DPP10: variants seen among roughly 807,000 people sequenced by gnomAD.
DPP10 encodes the protein inactive dipeptidyl peptidase 10.
A neutral mutation model predicts 120.9 loss-of-function variants in DPP10; 33 were observed. The observed-to-expected ratio is 0.27, with a 90% CI of 0.21 to 0.37. The LOEUF is 0.37. Ranked by LOEUF, DPP10 falls within the 10% of genes least tolerant of loss-of-function variation. DPP10 has a pLI of 1.00. For synonymous variants in DPP10, 337 were observed against 326.1 expected, an observed-to-expected ratio of 1.03 and a Z score of -0.36; for missense variants, 816 against 942.8, an observed-to-expected ratio of 0.87 and a Z score of 1.76.
chr2:115,421,721 A>G (rs1173776528), intron 3 of DPP10, among the ~76,000 whole-genome samples: 1 of 151,874 alleles, frequency 6.6e-6, no homozygotes, highest in Non-Finnish European at 1.5e-5. Context: ...ATGTACAAAA[A>G]TTAACTGGCA....
chr2:115,133,787 A>G (rs1573736203), intron 1 of DPP10, among the ~76,000 whole-genome samples: 2 of 152,126 alleles, frequency 1.3e-5, no homozygotes, highest in African/African-American at 2.4e-5. Flanking sequence ...CTGCTTATCT[A>G]TTTGTGTTTT....
At chr2:114,930,009 G>T (rs915888906) in intron 1 of DPP10, among the ~76,000 whole-genome samples, 8 of 152,178 alleles carry the variant, frequency 5.3e-5, no homozygotes, top group African/African-American at 1.9e-4. Context: ...CTGCAGCAGG[G>T]AGCAGTATCC....
chr2:115,503,567 C>T (rs7421696), intron 4 of DPP10, among the ~76,000 whole-genome samples: 32,318 of 151,962 alleles, frequency 0.21, 3,948 homozygotes, highest in East Asian at 0.39. Flanking sequence ...CGATTGGCCA[C>T]GTAGCCTCAC....
intron 1 of DPP10, among the ~76,000 whole-genome samples, chr2:114,928,375 A>T (rs944178464): frequency 3.9e-5 from 6 of 152,232 alleles, no homozygotes; most frequent in Admixed American, 2.6e-4. Context: ...AAAGAAAGGG[A>T]TAACAGGCCC....
intron 1 of DPP10, among the ~76,000 whole-genome samples, chr2:114,758,974 A>C (rs1435929839): frequency 6.6e-6 from 1 of 152,230 alleles, no homozygotes; most frequent in East Asian, 1.9e-4. Flanking sequence ...GCTATCAAGC[A>C]AAAAGTGGAT....
intron 1 of DPP10, among the ~76,000 whole-genome samples, chr2:114,590,784 G>A (rs1485121398): frequency 1.3e-5 from 2 of 152,138 alleles, no homozygotes; most frequent in Non-Finnish European, 2.9e-5. Context: ...AAGCTAATTA[G>A]GGAGTAAGGA....
intron 3 of DPP10, among the ~76,000 whole-genome samples, chr2:115,478,265 G>A (rs759812494): frequency 6.6e-6 from 1 of 152,160 alleles, no homozygotes; most frequent in South Asian, 2.1e-4. Context: ...CAAATATGTG[G>A]TTAACTTATT....
intron 1 of DPP10, among the ~76,000 whole-genome samples, chr2:114,443,040 A>G (rs1302982143): frequency 1.3e-5 from 2 of 150,510 alleles, no homozygotes; most frequent in African/African-American, 2.4e-5. Context: ...CACTTCTTTC[A>G]TCTTCATGAC....
chr2:115,022,510 A>G (rs779666934), intron 1 of DPP10, among the ~76,000 whole-genome samples: 1 of 152,146 alleles, frequency 6.6e-6, no homozygotes, highest in African/African-American at 2.4e-5. Flanking sequence ...GATGACACAC[A>G]CAAATTGAAA....
At chr2:114,666,525 G>A (rs1048507097) in intron 1 of DPP10, among the ~76,000 whole-genome samples, 13 of 152,280 alleles carry the variant, frequency 8.5e-5, no homozygotes, top group African/African-American at 2.9e-4. Context: ...TTCATCTGAA[G>A]GAGGAAAATT....
At chr2:114,472,761 T>C (rs1234348510) in intron 1 of DPP10, among the ~76,000 whole-genome samples, 2 of 152,210 alleles carry the variant, frequency 1.3e-5, no homozygotes, top group African/African-American at 4.8e-5. Context: ...TTTTGGTATT[T>C]GTTTTTATTC....
Position 114,541,185 on chromosome 2 carries a change from G to T in DPP10, c.60+98347G>T, listed in dbSNP as rs1220652351. 2.6e-5 allele frequency among the ~76,000 whole-genome samples: 4 copies of T among 152,108 alleles called. No homozygotes were observed. The East Asian group carries it at 5.8e-4, about 22-fold the overall frequency. ...CTTTTCGCAACTACTCTGTATTTTT[G>T]TTTTAAATGTACAGGAATCTCTTCT... On this transcript the variant is annotated intron_variant, in intron 1 of 25. Coordinates refer to ENST00000410059, the MANE Select transcript of DPP10 (RefSeq NM_020868.6).
chr2:115,550,373 A>G (rs375105352), intron 5 of DPP10, among the ~76,000 whole-genome samples: 3 of 152,084 alleles, frequency 2.0e-5, no homozygotes, highest in African/African-American at 7.2e-5. Flanking sequence ...TAACATTGCT[A>G]TTGTCATTGC....
intron 1 of DPP10, among the ~76,000 whole-genome samples, chr2:114,853,905 TGCCTTCA>T (rs1322874719): frequency 1.3e-5 from 2 of 152,208 alleles, no homozygotes; most frequent in Non-Finnish European, 2.9e-5. Context: ...GCCCAGATGC[TGCCTTCA>T]GCTGTCTGCC....
At chr2:115,079,666 C>G (rs998827238) in intron 1 of DPP10, among the ~76,000 whole-genome samples, 1 of 152,148 alleles carries the variant, frequency 6.6e-6, no homozygotes, top group Non-Finnish European at 1.5e-5. Context: ...GCACTGCACT[C>G]TGGAAACTAT....
intron 1 of DPP10, among the ~76,000 whole-genome samples, chr2:115,242,252 T>C (rs768656163): frequency 3.3e-5 from 5 of 152,198 alleles, no homozygotes; most frequent in Non-Finnish European, 7.3e-5. Flanking sequence ...GAACATACAA[T>C]GTTTGGTTTC....
chr2:114,833,837 G>C (rs1687360399), intron 1 of DPP10: 1 of 152,160 alleles, frequency 6.6e-6, no homozygotes, highest in East Asian at 1.9e-4. Flanking sequence ...GACAAGAATT[G>C]ATATGGTCAA....
At chr2:115,163,780 A>C (rs1001576395) in intron 1 of DPP10, among the ~76,000 whole-genome samples, 3 of 152,192 alleles carry the variant, frequency 2.0e-5, no homozygotes, top group African/African-American at 7.2e-5. Flanking sequence ...CTGTGACACC[A>C]GCTGGTTACT....
intron 1 of DPP10, among the ~76,000 whole-genome samples, chr2:114,847,398 T>C (rs1404012051): frequency 6.6e-6 from 1 of 152,206 alleles, no homozygotes; most frequent in East Asian, 1.9e-4. Flanking sequence ...GTGACCCTTC[T>C]TCCTTGTGCC....
Sources: gnomAD v4.1 joint callset for allele counts (sites outside exome capture counted in the v4.1 genomes callset) on GRCh38, gnomAD v4.1.1 for gene constraint, MANE v1.5 for transcripts, NCBI Gene and HGNC (gene_info 2026-07-23, HGNC 2026-07-21) for gene names.